Variants in STAT2 observed in about 807,000 individuals in gnomAD.
STAT2 encodes the protein interferon alpha induced transcriptional activator.
STAT2 carries 51 observed loss-of-function variants against 122.3 expected under a neutral mutation model. The ratio of observed to expected loss-of-function variants is 0.42; its 90% CI spans 0.33 to 0.53. STAT2 has a LOEUF of 0.53. STAT2 is among the 20% of genes least tolerant of loss of function. STAT2 has a pLI of 0.10. For missense variants in STAT2, 736 were observed against 1,010.3 expected (o/e 0.73, Z 3.68); for synonymous variants, 351 against 394.9 (o/e 0.89, Z 1.32).
intron 12 of STAT2, 51 bp from the exon 13 acceptor site, chr12:56,350,241 A>T: frequency 6.7e-7 from 1 of 1,496,090 alleles, no homozygotes; most frequent in Non-Finnish European, 9.1e-7. Context: ...TATTCTAAAA[A>T]CTCAGCAGAA....
intron 8 of STAT2, among the ~76,000 whole-genome samples, chr12:56,354,202 C>CAT (rs1167460037): frequency 4.1e-5 from 6 of 147,326 alleles, no homozygotes; most frequent in Admixed American, 6.8e-5. Context: ...AAAAAAAATA[C>CAT]ATATATATAT....
At chr12:56,355,882 G>T in intron 3 of STAT2, 79 bp from the exon 4 acceptor site, 2 of 1,433,282 alleles carry the variant, frequency 1.4e-6, no homozygotes, top group Non-Finnish European at 2.0e-6. Flanking sequence ...CCCCACCAAT[G>T]TCCACAGTAT....
chr12:56,354,974 A>G (rs968354725), intron 6 of STAT2, 111 bp from the exon 7 acceptor site: 30 of 1,146,600 alleles, frequency 2.6e-5, no homozygotes, highest in Admixed American at 4.1e-5. Flanking sequence ...AGGGAAACCA[A>G]GCAAAGCACA....
chr12:56,358,616 A>G (rs561027745), intron 1 of STAT2, among the ~76,000 whole-genome samples: 77 of 152,248 alleles, frequency 5.1e-4, no homozygotes, highest in Non-Finnish European at 9.1e-4. Context: ...TGCCCTCCAT[A>G]TAGGAAGGAG....
chr12:56,348,289 G>A (rs1393543029), intron 19 of STAT2, among the ~76,000 whole-genome samples: 2 of 151,532 alleles, frequency 1.3e-5, no homozygotes, highest in African/African-American at 4.9e-5. Flanking sequence ...GGGTTTCACC[G>A]TGTTAGCCAG....
intron 13 of STAT2, chr12:56,349,860 C>A (rs1214153852): frequency 1.2e-5 from 8 of 656,432 alleles, no homozygotes; most frequent in South Asian, 3.7e-5. Flanking sequence ...ACCAGCCCGA[C>A]CAATATGGTG....
chr12:56,346,475 C>A lies in STAT2; in HGVS notation c.2011G>T (p.Asp671Tyr), dbSNP rs756815769. 1 of 1,614,208 alleles carries A rather than the reference C, an allele frequency of 6.2e-7. No homozygotes were observed. The highest frequency in any genetic ancestry group is 8.5e-7 in the Non-Finnish European group (1 of 1,180,040). Residue 671 changes from aspartate (D) to tyrosine (Y), a missense_variant, in exon 21 of 24, where the codon GAT becomes TAT. Transcript: ENST00000314128. ...LRFLYPRIPR[D>Y]EAFGCYYQEK... ...TGGTAGTAGCACCCAAAAGCTTCAT[C>A]CCGGGGGATTCGGGGATAGAGGAAG... is the stretch of plus-strand genomic sequence containing the variant.
At chr12:56,349,814 TGAGG>T (rs1351513840) in intron 13 of STAT2, 178 bp from the exon 14 acceptor site, 3 of 806,010 alleles carry the variant, frequency 3.7e-6, no homozygotes, top group Non-Finnish European at 6.0e-6. Flanking sequence ...TTTGGGAGGC[TGAGG>T]CGGGTGGATC....
intron 1 of STAT2, among the ~76,000 whole-genome samples, chr12:56,359,666 T>A (rs1880071148): frequency 6.6e-6 from 1 of 152,262 alleles, no homozygotes; most frequent in African/African-American, 2.4e-5. Context: ...AATCGTTTCA[T>A]CTTTCAGTAG....
At chr12:56,356,987 T>C (rs1879600560) in intron 1 of STAT2, among the ~76,000 whole-genome samples, 1 of 151,302 alleles carries the variant, frequency 6.6e-6, no homozygotes, top group Non-Finnish European at 1.5e-5. Flanking sequence ...CTGGAGCATT[T>C]TGGAGCCAAA....
At chr12:56,354,016 A>AAAATATATATATATATATATATAT (rs71081350) in intron 8 of STAT2, among the ~76,000 whole-genome samples, 2 of 16,696 alleles carry the variant, frequency 1.2e-4, no homozygotes, top group African/African-American at 2.2e-4. Context: ...AAAAAAAAAA[A>AAAATATATATATATATATATATAT]ATATATATAT....
At position 56,349,598 on chromosome 12, in the gene STAT2, G is replaced by T; in HGVS notation, c.1248C>A (p.Gly416=). Residue 416 remains glycine (G), a synonymous_variant, in exon 14 of 24, where the codon GGC becomes GGA. Coordinates refer to ENST00000314128, the MANE Select transcript of STAT2 (RefSeq NM_005419.4). ...TCTGTCCAGATCTCACCTTATTGCT[G>T]CCCTTTCCTGAACCACCTGAACGTT... ...VEQRSGGSGK[G]SNKGPLGVTE... The T allele has an allele frequency of 2.5e-6, 4 of 1,614,156 alleles. No individual in the cohort carries two copies. Among genetic ancestry groups the T allele is most frequent in the Non-Finnish European group, 3.4e-6 (4 of 1,180,030 alleles).
In STAT2 at chr12:56,355,038, C is replaced by A. The variant is rs1879290355; in HGVS notation, c.548-175G>T. 3 of 733,844 alleles carry A rather than the reference C, an allele frequency of 4.1e-6. No individual in the cohort carries two copies. The Admixed American group carries it at 8.2e-5, about 20-fold the overall frequency. 45.5% of individuals were successfully genotyped at this position (733,844 alleles called of 1,614,324 possible). A position where few individuals can be genotyped will look rare whatever the true frequency, so the allele number is the denominator to read the frequency against. The stretch of plus-strand genomic sequence containing the variant: ...TGAATGGTCATGCTTGGACCAGACA[C>A]CCCCTCAAATAAAACACTGTTAGTT... On this transcript the variant is annotated intron_variant, in intron 6 of 23. Coordinates refer to ENST00000314128, the MANE Select transcript of STAT2 (RefSeq NM_005419.4).
chr12:56,355,099 C>A, intron 6 of STAT2, 177 bp downstream of exon 6: 1 of 754,958 alleles, frequency 1.3e-6, no homozygotes. Flanking sequence ...TGTCTCTCAG[C>A]TGCACCTCCA....
chr12:56,343,611 G>A, intron 23 of STAT2, 80 bp from the exon 24 acceptor site: 6 of 1,561,770 alleles, frequency 3.8e-6, no homozygotes, highest in African/African-American at 2.7e-5. Context: ...AGGGAGGATG[G>A]CAGGAAAGGC....
Position 56,354,629 on chromosome 12 carries a change from ATG to A in STAT2, c.634-17_634-16del, listed in dbSNP as rs769666178. On this transcript the variant is annotated splice_polypyrimidine_tract_variant and intron_variant, in intron 7 of 23. Transcript: ENST00000314128. ...TCCAGCACCTCCTGGGAAAGAGATA[ATG>A]TGAGTGTTGAGCATCTCTCCCTTTC... 3 of 1,614,080 alleles carry A rather than the reference ATG, an allele frequency of 1.9e-6. No homozygotes were observed. In the South Asian group the frequency reaches 3.3e-5, roughly 18 times the overall value.
intron 1 of STAT2, among the ~76,000 whole-genome samples, 152 bp downstream of exon 1, chr12:56,359,906 C>G (rs780870413): frequency 9.2e-5 from 14 of 152,052 alleles, no homozygotes; most frequent in Non-Finnish European, 1.6e-4. Flanking sequence ...AGAAGAAGAT[C>G]GAGGACCGAG....
chr12:56,348,883 A>C, intron 17 of STAT2, 41 bp downstream of exon 17: 1 of 1,613,698 alleles, frequency 6.2e-7, no homozygotes, highest in Non-Finnish European at 8.5e-7. Flanking sequence ...GACAGAAAAG[A>C]CTAAGGCTGG....
chr12:56,359,926 G>T, intron 1 of STAT2, 132 bp downstream of exon 1: 1 of 452,866 alleles, frequency 2.2e-6, no homozygotes, highest in Non-Finnish European at 2.9e-6. Flanking sequence ...GCAGGCGACA[G>T]CTCCTATTTC....
Sources: gnomAD v4.1 joint callset for allele counts (sites outside exome capture counted in the v4.1 genomes callset) on GRCh38, gnomAD v4.1.1 for gene constraint, MANE v1.5 for transcripts, NCBI Gene and HGNC (gene_info 2026-07-23, HGNC 2026-07-21) for gene names.